ZNF761: variants seen among roughly 807,000 people sequenced by gnomAD.
The protein encoded by ZNF761 is zinc finger protein 761.
Under a neutral mutation model 59.9 loss-of-function variants are expected in ZNF761, and 43 were observed. That is an observed-to-expected ratio of 0.72 (90% CI 0.56 to 0.92). The LOEUF is 0.92. Ranked by LOEUF, ZNF761 falls within the 40% of genes least tolerant of loss-of-function variation. The probability of loss-of-function intolerance (pLI) is 0.00; values close to 1 mark genes in which losing one functional copy is unlikely to be tolerated. For missense variants in ZNF761, 850 were observed against 906.1 expected (o/e 0.94, Z 0.79); for synonymous variants, 294 against 304.8 (o/e 0.96, Z 0.37).
intron 1 of ZNF761, among the ~76,000 whole-genome samples, chr19:53,441,462 T>G (rs1167584085): frequency 3.3e-5 from 5 of 151,966 alleles, no homozygotes; most frequent in African/African-American, 1.2e-4. Flanking sequence ...TGTTTTTTTT[T>G]TTTTGGCAGA....
At position 53,455,514 on chromosome 19, in the gene ZNF761, G is replaced by C. The variant is rs565994289; in HGVS notation, c.1007G>C (p.Arg336Thr). The C allele has an allele frequency of 2.4e-5, 39 of 1,612,484 alleles. No individual in the cohort carries two copies. The highest frequency in any genetic ancestry group is 3.3e-4 in the Middle Eastern group (2 of 6,052). ...TGTAATGAGTGTGGCAAGACCTTTA[G>C]GCAGAAGTCAATCCTTACACGCCAT... ...YKCNECGKTF[R>T]QKSILTRHHR... is the part of the protein sequence containing the mutation. Residue 336 changes from arginine to threonine, a missense_variant, in exon 5 of 5, where the codon AGG becomes ACG. Arg to Thr is a moderately conservative substitution (Grantham distance 71, BLOSUM62 -1). Transcript: ENST00000684525.
chr19:53,435,615 A>G (rs185008206), intron 1 of ZNF761, among the ~76,000 whole-genome samples: 60 of 152,136 alleles, frequency 3.9e-4, no homozygotes, highest in Admixed American at 3.7e-3. Flanking sequence ...TATAAGTACA[A>G]GTTCTTAAGT....
intron 4 of ZNF761, among the ~76,000 whole-genome samples, chr19:53,450,778 C>T (rs760396684): frequency 5.3e-5 from 8 of 152,204 alleles, no homozygotes; most frequent in Non-Finnish European, 8.8e-5. Context: ...AGGCAAATCA[C>T]CTGAGGTCAG....
Position 53,455,490 on chromosome 19 carries a change from G to A in ZNF761, c.983G>A (p.Cys328Tyr), listed in dbSNP as rs1407992197. The change falls in exon 5 of 5, where the codon TGT becomes TAT. Residue 328 changes from cysteine to tyrosine, a missense_variant. Cys to Tyr is a radical substitution (Grantham distance 194). Coordinates refer to ENST00000684525, the MANE Select transcript of ZNF761 (RefSeq NM_001289951.2). Reference protein sequence around the residue: ...IIHTEEKPYKCNECGKTFRQK... With the variant: ...IIHTEEKPYKYNECGKTFRQK... ...CATACTGAAGAGAAACCATATAAGTGTAATGAGTGTGGCAAGACCTTTAGG... is the reference window on the plus strand; with the variant it reads ...CATACTGAAGAGAAACCATATAAGTATAATGAGTGTGGCAAGACCTTTAGG... 1 of 1,613,958 alleles carries A rather than the reference G, an allele frequency of 6.2e-7. No homozygotes were observed. The highest frequency in any genetic ancestry group is 1.7e-5 in the Admixed American group (1 of 59,994).
chr19:53,449,926 A>C (rs2086202092), intron 4 of ZNF761: 3 of 596,102 alleles, frequency 5.0e-6, no homozygotes, highest in African/African-American at 1.9e-5. Flanking sequence ...TCCTGAGCTC[A>C]AGAGATCCTC....
At position 53,454,837 on chromosome 19, in the gene ZNF761, A is replaced by G. The variant is rs752272159; in HGVS notation, c.330A>G (p.Glu110=). 7 of 1,614,194 alleles carry G rather than the reference A, an allele frequency of 4.3e-6. No homozygotes were observed. Among genetic ancestry groups the G allele is most frequent in the Non-Finnish European group, 5.9e-6 (7 of 1,180,026 alleles). The stretch of plus-strand genomic sequence containing the variant: ...AAGAAGATGAAAGAAATGGCCATGA[A>G]GCACCCATGACAAAAATCAAAAAGT... The part of the protein sequence containing the change: ...QWQEDERNGH[E]APMTKIKKLT... The change falls in exon 5 of 5, where the codon GAA becomes GAG. Residue 110 remains glutamate (E), a synonymous_variant. Coordinates refer to ENST00000684525, the MANE Select transcript of ZNF761 (RefSeq NM_001289951.2).
chr19:53,439,313 T>C (rs1265949119), intron 1 of ZNF761, among the ~76,000 whole-genome samples: 1 of 150,996 alleles, frequency 6.6e-6, no homozygotes, highest in Non-Finnish European at 1.5e-5. Flanking sequence ...TTTGTTGTTG[T>C]TGTTGTTTTT....
At position 53,457,557 on chromosome 19, in the gene ZNF761, T is replaced by G. The variant is rs2147146354; in HGVS notation, c.*809T>G. The G allele has an allele frequency of 3.0e-6, 1 of 336,190 alleles. No individual in the cohort carries two copies. Among genetic ancestry groups the G allele is most frequent in the East Asian group, 9.1e-5 (1 of 10,930 alleles). 20.8% of individuals were successfully genotyped at this position (336,190 alleles called of 1,614,324 possible). A position where few individuals can be genotyped will look rare whatever the true frequency, so the allele number is the denominator to read the frequency against. On this transcript the variant is annotated 3_prime_UTR_variant, in exon 5 of 5. Transcript: ENST00000684525. ...TTGCAGAATATGAGAAAATTCATTT[T>G]GGAGGTAGTTGGTCCATATGCAATG... is the stretch of plus-strand genomic sequence containing the variant.
rs368157010 is a variant in ZNF761 at position 53,435,289 on chromosome 19, C to CTTTTTTT, written c.-185+3287_-185+3293dup. Among the ~76,000 whole-genome samples the CTTTTTTT allele has an allele frequency of 3.0e-3, 161 of 53,606 alleles. 15 individuals carry two copies. The highest frequency in any genetic ancestry group is 5.9e-3 in the African/African-American group (73 of 12,352). The allele number at this position is 53,606 out of a possible 152,430, so 35.2% of individuals were successfully genotyped here. On this transcript the variant is annotated intron_variant, in intron 1 of 4. Coordinates refer to ENST00000684525, the MANE Select transcript of ZNF761 (RefSeq NM_001289951.2). ...GGTCGTCTGGCTATAAATACAAGTC[C>CTTTTTTT]TTTTTTTTTTTTTTTTTTTTTTTTT... is the stretch of plus-strand genomic sequence containing the variant.
chr19:53,433,150 A>G (rs541157884), intron 1 of ZNF761, among the ~76,000 whole-genome samples: 3,895 of 151,850 alleles, frequency 0.026, 184 homozygotes, highest in African/African-American at 0.086. Flanking sequence ...GGGGAGACAA[A>G]AGGATGTTTA....
intron 4 of ZNF761, among the ~76,000 whole-genome samples, chr19:53,453,109 C>A (rs1390788804): frequency 6.6e-6 from 1 of 152,178 alleles, no homozygotes; most frequent in Non-Finnish European, 1.5e-5. Flanking sequence ...TCAAATGATT[C>A]TCCTGCCTCA....
At chr19:53,434,725 G>A (rs1449101761) in intron 1 of ZNF761, among the ~76,000 whole-genome samples, 1 of 152,192 alleles carries the variant, frequency 6.6e-6, no homozygotes, top group Non-Finnish European at 1.5e-5. Context: ...CGGTTCGGGG[G>A]AAGAGTCAGT....
At chr19:53,443,046 A>T in intron 1 of ZNF761, 1 of 283,224 alleles carries the variant, frequency 3.5e-6, no homozygotes, top group Non-Finnish European at 6.9e-6. Flanking sequence ...GTTTGAAACT[A>T]GTTGCGTCCA....
At position 53,437,587 on chromosome 19, in the gene ZNF761, C is replaced by T. The variant is rs1292227754; in HGVS notation, c.-185+5559C>T. Among the ~76,000 whole-genome samples, 7 of 152,212 alleles carry T rather than the reference C, an allele frequency of 4.6e-5. No homozygotes were observed. In the East Asian group the frequency reaches 9.7e-4, roughly 21 times the overall value. Reference sequence around the variant, plus strand: ...CTAAGGCTTCCTCTTTAAAATGCAGCGTGATCATTGCTGCCTGCTTTGCCT... The same window carrying T: ...CTAAGGCTTCCTCTTTAAAATGCAGTGTGATCATTGCTGCCTGCTTTGCCT... On this transcript the variant is annotated intron_variant, in intron 1 of 4. Transcript: ENST00000684525.
At chr19:53,453,647 G>C (rs1052304451) in intron 4 of ZNF761, among the ~76,000 whole-genome samples, 1 of 152,092 alleles carries the variant, frequency 6.6e-6, no homozygotes. Flanking sequence ...AGGTTGAGGC[G>C]GGTGGATCAC....
At position 53,455,158 on chromosome 19, in the gene ZNF761, T is replaced by G. The variant is rs1207664352; in HGVS notation, c.651T>G (p.Cys217Trp). The change falls in exon 5 of 5, where the codon TGT becomes TGG. Residue 217 changes from cysteine (C) to tryptophan (W), a missense_variant. Transcript: ENST00000684525. ...ACATGAGAGAAAAATCTTTCCAATG[T>G]AATGAGAGTGGCAAAGCCTTTAATT... Reference protein sequence around the residue: ...EVHMREKSFQCNESGKAFNYS... With the variant: ...EVHMREKSFQWNESGKAFNYS... The G allele has an allele frequency of 1.2e-6, 2 of 1,614,184 alleles. No homozygotes were observed. Among genetic ancestry groups the G allele is most frequent in the Non-Finnish European group, 1.7e-6 (2 of 1,180,032 alleles).
intron 1 of ZNF761, chr19:53,441,737 C>G (rs895545649): frequency 1.4e-6 from 1 of 705,892 alleles, no homozygotes; most frequent in African/African-American, 1.8e-5. Context: ...CATGAATGAC[C>G]ATGCCCGGCT....
chr19:53,447,957 G>C (rs1251554898), intron 3 of ZNF761, among the ~76,000 whole-genome samples: 3 of 152,084 alleles, frequency 2.0e-5, no homozygotes, highest in Non-Finnish European at 4.4e-5. Context: ...TTGTGAAACA[G>C]GTGTTTTCAT....
At chr19:53,439,591 G>A (rs555095868) in intron 1 of ZNF761, among the ~76,000 whole-genome samples, 79 of 152,258 alleles carry the variant, frequency 5.2e-4, no homozygotes, top group African/African-American at 1.8e-3. Context: ...CATCCTTTAA[G>A]TCTAAGACTG....
Sources: allele counts gnomAD v4.1 joint callset (sites outside exome capture counted in the v4.1 genomes callset), GRCh38; gene constraint gnomAD v4.1.1; transcripts MANE v1.5; gene names NCBI Gene and HGNC (gene_info 2026-07-23, HGNC 2026-07-21).